The following NTM variants were observed in gnomAD, a reference collection of about 807,000 sequenced individuals.
NTM encodes the protein neurotrimin, also known as IgLON family member 2.
Under a neutral mutation model 42.1 loss-of-function variants are expected in NTM, and 13 were observed. The observed-to-expected ratio is 0.31, with a 90% CI of 0.20 to 0.49. NTM has a LOEUF of 0.49. Ranked by LOEUF, NTM falls within the 20% of genes least tolerant of loss-of-function variation. NTM has a pLI of 0.99. For synonymous variants in NTM, 187 were observed against 179.2 expected, an observed-to-expected ratio of 1.04 and a Z score of -0.35; for missense variants, 373 against 452.8, an observed-to-expected ratio of 0.82 and a Z score of 1.60.
chr11:132,122,147 G>A (rs371649078), intron 2 of NTM, among the ~76,000 whole-genome samples: 10 of 152,316 alleles, frequency 6.6e-5, no homozygotes, highest in African/African-American at 2.4e-4. Flanking sequence ...CCGTGCACTC[G>A]GTGTGGGCCT....
At chr11:131,991,403 A>C (rs1366710830) in intron 2 of NTM, among the ~76,000 whole-genome samples, 1 of 152,118 alleles carries the variant, frequency 6.6e-6, no homozygotes, top group African/African-American at 2.4e-5. Flanking sequence ...ATTAATTAGT[A>C]ATTAATAGGT....
intron 1 of NTM, among the ~76,000 whole-genome samples, chr11:131,855,709 C>T (rs193148727): frequency 1.3e-5 from 2 of 152,296 alleles, no homozygotes; most frequent in East Asian, 3.9e-4. Context: ...TTCTTCAGCA[C>T]AGTGAAAATT....
At chr11:132,027,370 C>T (rs58686587) in intron 2 of NTM, among the ~76,000 whole-genome samples, 5,169 of 152,214 alleles carry the variant, frequency 0.034, 290 homozygotes, top group African/African-American at 0.12. Flanking sequence ...AATTTCTTAA[C>T]GATATCATTT....
chr11:131,607,180 G>T (rs940848521), intron 1 of NTM, among the ~76,000 whole-genome samples: 3 of 152,150 alleles, frequency 2.0e-5, no homozygotes, highest in African/African-American at 2.4e-5. Flanking sequence ...TGGCAAAAAA[G>T]ACACAATTTA....
At chr11:132,129,943 T>C (rs1317576661) in intron 2 of NTM, among the ~76,000 whole-genome samples, 1 of 152,256 alleles carries the variant, frequency 6.6e-6, no homozygotes, top group East Asian at 1.9e-4. Flanking sequence ...GGCTTTTTAT[T>C]GAGAACAACC....
Position 131,570,091 on chromosome 11 carries a change from CT to C in NTM, c.82+199205del, listed in dbSNP as rs540781239. Among the ~76,000 whole-genome samples, 51 of 152,342 alleles carry C rather than the reference CT, an allele frequency of 3.3e-4. 1 individual carries two copies. The South Asian group carries it at 0.01, about 30-fold the overall frequency. On this transcript the variant is annotated intron_variant, in intron 1 of 8. Coordinates refer to ENST00000683400, the MANE Select transcript of NTM (RefSeq NM_001352005.2). ...TATCATTTATTCTGTCTATATCAGT[CT>C]TCCTTTTCCTCTGGTCTTTGCTCTT...
At chr11:132,333,829 A>T (rs575915325) in intron 8 of NTM, among the ~76,000 whole-genome samples, 1 of 152,362 alleles carries the variant, frequency 6.6e-6, no homozygotes, top group South Asian at 2.1e-4. Flanking sequence ...ACATAAAATC[A>T]TATGGGCACT....
intron 2 of NTM, among the ~76,000 whole-genome samples, chr11:132,030,833 G>A (rs754979780): frequency 3.9e-5 from 6 of 152,198 alleles, no homozygotes; most frequent in Admixed American, 6.5e-5. Context: ...TAGTCAGCTA[G>A]TGCCACAATA....
At chr11:131,416,003 A>G (rs1946907010) in intron 1 of NTM, among the ~76,000 whole-genome samples, 1 of 152,182 alleles carries the variant, frequency 6.6e-6, no homozygotes, top group African/African-American at 2.4e-5. Context: ...ATGTCCAGTT[A>G]TATTTGTTGT....
intron 1 of NTM, among the ~76,000 whole-genome samples, chr11:131,850,329 A>T (rs2045385784): frequency 6.6e-6 from 1 of 152,114 alleles, no homozygotes; most frequent in African/African-American, 2.4e-5. Flanking sequence ...CATTGTAACC[A>T]GGAGAAAAAT....
intron 2 of NTM, among the ~76,000 whole-genome samples, chr11:132,012,761 A>C (rs1482761037): frequency 6.6e-6 from 1 of 152,200 alleles, no homozygotes; most frequent in Non-Finnish European, 1.5e-5. Context: ...ACAGTAGTGA[A>C]GGTGCTGTAG....
intron 5 of NTM, among the ~76,000 whole-genome samples, chr11:132,309,789 C>CAGTG (rs1415569382): frequency 2.0e-5 from 3 of 152,152 alleles, no homozygotes; most frequent in Non-Finnish European, 2.9e-5. Context: ...AGATCAGGTG[C>CAGTG]AGTGCCCTGT....
At chr11:132,111,063 CAAAAAAAAAAAAAAAAAAAAAAAAAA>C (rs57458373) in intron 2 of NTM, among the ~76,000 whole-genome samples, 850 of 35,448 alleles carry the variant, frequency 0.024, 27 homozygotes, top group African/African-American at 0.095. Flanking sequence ...GGCCCTATCT[CAAAAAAAAAAAAAAAAAAAAAAAAAA>C]AAAAAAAAAA....
At position 132,002,573 on chromosome 11, in the gene NTM, T is replaced by C. The variant is rs2069552782; in HGVS notation, c.167+90925T>C. On this transcript the variant is annotated intron_variant, in intron 2 of 8. Coordinates refer to ENST00000683400, the MANE Select transcript of NTM (RefSeq NM_001352005.2). This position sits in a 1 kb window ranked among gnomAD's most constrained non-coding sequence, Gnocchi z 4.5. ...GTGTCTGTCCCCCAAATTGGAGGCTTCTGGCCATTGCTTGAATAACTTTCT... is the reference window on the plus strand; with the variant it reads ...GTGTCTGTCCCCCAAATTGGAGGCTCCTGGCCATTGCTTGAATAACTTTCT... Among the ~76,000 whole-genome samples, 1 of 152,224 alleles carries C rather than the reference T, an allele frequency of 6.6e-6. No individual in the cohort carries two copies. The highest frequency in any genetic ancestry group is 6.5e-5 in the Admixed American group (1 of 15,280).
At position 131,793,794 on chromosome 11, in the gene NTM, C is replaced by T. The variant is rs181397992; in HGVS notation, c.83-117770C>T. 3.3e-3 allele frequency among the ~76,000 whole-genome samples: 502 copies of T among 152,214 alleles called. 4 individuals are homozygous for T. The highest frequency in any genetic ancestry group is 8.1e-3 in the South Asian group (39 of 4,822). On this transcript the variant is annotated intron_variant, in intron 1 of 8. Transcript: ENST00000683400. ...GAAGGCGAGGTTGAAAATGTTGAGG[C>T]CTGTGCATGGATCTGAGCATCAGCA...
chr11:131,528,305 G>T (rs1380555428), intron 1 of NTM, among the ~76,000 whole-genome samples: 4 of 152,046 alleles, frequency 2.6e-5, no homozygotes, highest in Non-Finnish European at 5.9e-5. Flanking sequence ...CATTGAGATA[G>T]CTCCGTAATA....
intron 1 of NTM, among the ~76,000 whole-genome samples, chr11:131,892,058 T>G (rs1246619222): frequency 6.6e-6 from 1 of 152,192 alleles, no homozygotes; most frequent in Non-Finnish European, 1.5e-5. Flanking sequence ...ACGACTAAAT[T>G]TGAAACCAAG....
At chr11:132,122,629 C>A (rs1388095181) in intron 2 of NTM, among the ~76,000 whole-genome samples, 1 of 152,164 alleles carries the variant, frequency 6.6e-6, no homozygotes, top group African/African-American at 2.4e-5. Context: ...GACAAATAAG[C>A]AGCAGTGCCA....
At chr11:131,625,523 T>C (rs1006851670) in intron 1 of NTM, among the ~76,000 whole-genome samples, 1 of 151,240 alleles carries the variant, frequency 6.6e-6, no homozygotes, top group African/African-American at 2.4e-5. Context: ...AGAGAGAGAC[T>C]GAAAAGATGA....
Sources: allele counts gnomAD v4.1 joint callset (sites outside exome capture counted in the v4.1 genomes callset), GRCh38; gene constraint gnomAD v4.1.1; non-coding constraint Gnocchi (gnomAD v3.1); transcripts MANE v1.5; gene names NCBI Gene and HGNC (gene_info 2026-07-23, HGNC 2026-07-21).